The following AGMO variants were observed in gnomAD, a reference collection of about 807,000 sequenced individuals.
AGMO encodes the protein glyceryl-ether monooxygenase.
Under a neutral mutation model 60.2 loss-of-function variants are expected in AGMO, and 75 were observed. That is an observed-to-expected ratio of 1.25 (90% CI 1.03 to 1.51). The LOEUF (loss-of-function observed/expected upper bound fraction) is 1.51. Among genes scored for constraint, AGMO ranks in the 40% most tolerant of loss-of-function variants. The pLI is 0.00. For missense variants in AGMO, 763 were observed against 525.5 expected (o/e 1.45, Z -4.42); for synonymous variants, 261 against 177.1 (o/e 1.47, Z -3.76).
In AGMO at chr7:15,406,922, T is replaced by TACACACAC. The variant is rs573526404; in HGVS notation, c.609+11635_609+11636insGTGTGTGT. ...ACTCAAAAGGCCCCTTTGTTTGGAA[T>TACACACAC]ACACACGCGCACACACACACACACA... On this transcript the variant is annotated intron_variant, in intron 5 of 12. Transcript: ENST00000342526. 4.8e-3 allele frequency among the ~76,000 whole-genome samples: 528 copies of TACACACAC among 109,548 alleles called. 3 individuals carry two copies. Among genetic ancestry groups the TACACACAC allele is most frequent in the African/African-American group, 0.016 (441 of 27,618 alleles). The allele number at this position is 109,548 out of a possible 152,430, so 71.9% of individuals were successfully genotyped here.
chr7:15,189,719 T>G, the AGMO span, among the ~76,000 whole-genome samples: 1 of 152,110 alleles, frequency 6.6e-6, no homozygotes, highest in South Asian at 2.1e-4. Flanking sequence ...AAAGTCAAGT[T>G]TTAGATTTGA....
At chr7:15,295,791 T>A (rs1184534638) in intron 12 of AGMO, among the ~76,000 whole-genome samples, 1 of 152,106 alleles carries the variant, frequency 6.6e-6, no homozygotes, top group Non-Finnish European at 1.5e-5. Flanking sequence ...TAAACAGAAT[T>A]AGAGAAATAG....
intron 3 of AGMO, among the ~76,000 whole-genome samples, chr7:15,485,305 A>G (rs1435275971): frequency 6.6e-6 from 1 of 152,094 alleles, no homozygotes; most frequent in Non-Finnish European, 1.5e-5. Context: ...AGACAGGGCA[A>G]GATTCTGTTT....
At chr7:15,532,452 A>T (rs998384312) in intron 3 of AGMO, among the ~76,000 whole-genome samples, 2 of 152,178 alleles carry the variant, frequency 1.3e-5, no homozygotes, top group Admixed American at 6.6e-5. Context: ...GATAGACATC[A>T]TCAAGTTAGT....
chr7:15,376,293 T>G (rs1043421184), intron 10 of AGMO, among the ~76,000 whole-genome samples: 20 of 152,030 alleles, frequency 1.3e-4, no homozygotes, highest in African/African-American at 4.8e-4. Context: ...GACATTGACT[T>G]GAAAACTTTC....
rs1446517519 is a variant in AGMO at position 15,322,674 on chromosome 7, ATATG to A, written c.1263+42836_1263+42839del. 5.6e-5 allele frequency among the ~76,000 whole-genome samples: 4 copies of A among 72,032 alleles called. 1 individual carries two copies. Among genetic ancestry groups the A allele is most frequent in the African/African-American group, 3.2e-4 (4 of 12,450 alleles). The allele number at this position is 72,032 out of a possible 152,430, so 47.3% of individuals were successfully genotyped here. On this transcript the variant is annotated intron_variant, in intron 12 of 12. Coordinates refer to ENST00000342526, the MANE Select transcript of AGMO (RefSeq NM_001004320.2). ...AATATATATATAAATATATATAAATATATGTATATATAAATATATGAATATGTAT... is the reference window on the plus strand; with the variant it reads ...AATATATATATAAATATATATAAATATATATATAAATATATGAATATGTAT...
intron 3 of AGMO, among the ~76,000 whole-genome samples, chr7:15,542,618 T>C (rs1340343185): frequency 6.6e-6 from 1 of 152,198 alleles, no homozygotes; most frequent in Non-Finnish European, 1.5e-5. Context: ...ACAATATAAA[T>C]GCCTTCTGCA....
Position 15,431,056 on chromosome 7 carries a change from A to G in AGMO, c.462T>C (p.Tyr154=). Residue 154 remains tyrosine, a synonymous_variant, in exon 4 of 13, where the codon TAT becomes TAC. Coordinates refer to ENST00000342526, the MANE Select transcript of AGMO (RefSeq NM_001004320.2). The part of the protein sequence containing the change: ...GHQTHHSSED[Y]NLSTALRQSV... ...ACTGTCTCAGTGCTGTGGATAAGTT[A>G]TAGTCTTCAGAACTATGATGTGTTT... 2 of 1,611,380 alleles carry G rather than the reference A, an allele frequency of 1.2e-6. No homozygotes were observed. Among genetic ancestry groups the G allele is most frequent in the Non-Finnish European group, 1.7e-6 (2 of 1,178,272 alleles).
chr7:15,203,214 C>G (rs999878376), intron 12 of AGMO, among the ~76,000 whole-genome samples: 2 of 152,052 alleles, frequency 1.3e-5, no homozygotes, highest in African/African-American at 4.8e-5. Flanking sequence ...ATTCTCAATT[C>G]CCCTAGACTA....
intron 10 of AGMO, among the ~76,000 whole-genome samples, chr7:15,383,330 C>A (rs943408187): frequency 6.6e-6 from 1 of 151,930 alleles, no homozygotes; most frequent in Non-Finnish European, 1.5e-5. Flanking sequence ...CTCTTGGGTC[C>A]GCACTGTCTA....
intron 12 of AGMO, among the ~76,000 whole-genome samples, chr7:15,328,449 T>C (rs916237689): frequency 3.3e-5 from 5 of 152,144 alleles, no homozygotes; most frequent in African/African-American, 1.2e-4. Flanking sequence ...AGTCTTGTGA[T>C]TGAAAAGCAA....
chr7:15,200,172 T>C (rs1781238481), downstream of AGMO: 1 of 144,558 alleles, frequency 6.9e-6, no homozygotes, highest in Non-Finnish European at 1.5e-5. Flanking sequence ...TTTCAAGAAA[T>C]ATTGGATAAA....
chr7:15,344,664 C>T (rs1489501420), intron 12 of AGMO, among the ~76,000 whole-genome samples: 2 of 152,148 alleles, frequency 1.3e-5, no homozygotes, highest in Non-Finnish European at 2.9e-5. Flanking sequence ...TACCACTGCA[C>T]TCCAGCCTGG....
At chr7:15,137,114 G>T in the AGMO span, among the ~76,000 whole-genome samples, 1 of 152,106 alleles carries the variant, frequency 6.6e-6, no homozygotes, top group East Asian at 1.9e-4. Context: ...AGAAGCCTAG[G>T]TTCAAAATTA....
chr7:15,363,268 G>A (rs1187510131), intron 12 of AGMO, among the ~76,000 whole-genome samples: 4 of 152,088 alleles, frequency 2.6e-5, no homozygotes, highest in Non-Finnish European at 5.9e-5. Context: ...CTCCAAACTT[G>A]ACTTGGGGAT....
At chr7:15,189,557 T>C in the AGMO span, among the ~76,000 whole-genome samples, 1 of 152,114 alleles carries the variant, frequency 6.6e-6, no homozygotes, top group Non-Finnish European at 1.5e-5. Flanking sequence ...ACTTTTTGTT[T>C]TTTGAAGTGA....
At chr7:15,464,535 C>A (rs554746057) in intron 3 of AGMO, among the ~76,000 whole-genome samples, 115 of 152,100 alleles carry the variant, frequency 7.6e-4, no homozygotes, top group Non-Finnish European at 1.5e-3. Context: ...ATTACACTTC[C>A]TCCACAACCC....
At chr7:15,221,763 T>G (rs905202171) in intron 12 of AGMO, among the ~76,000 whole-genome samples, 2 of 152,174 alleles carry the variant, frequency 1.3e-5, no homozygotes, top group African/African-American at 4.8e-5. Context: ...CTTCAAGGAA[T>G]AGCCACTTGC....
chr7:15,419,301 A>G (rs1780864692), intron 4 of AGMO, among the ~76,000 whole-genome samples: 1 of 151,984 alleles, frequency 6.6e-6, no homozygotes, highest in Non-Finnish European at 1.5e-5. Flanking sequence ...TGATTAAACC[A>G]CAGAACTGGT....
Sources: gnomAD v4.1 joint callset for allele counts (sites outside exome capture counted in the v4.1 genomes callset) on GRCh38, gnomAD v4.1.1 for gene constraint, MANE v1.5 for transcripts, NCBI Gene and HGNC (gene_info 2026-07-23, HGNC 2026-07-21) for gene names.